Variants in MCM10 observed in about 807,000 individuals in gnomAD.
MCM10 encodes minichromosome maintenance 10 replication initiation factor.
A neutral mutation model predicts 109.9 loss-of-function variants in MCM10; 91 were observed. That is an observed-to-expected ratio of 0.83 (90% CI 0.70 to 0.99). The LOEUF (loss-of-function observed/expected upper bound fraction) is 0.99, where lower values mean the gene tolerates loss of function less well. Among genes scored for constraint, MCM10 ranks in the 50% least tolerant of loss-of-function variants. The probability of loss-of-function intolerance (pLI) is 0.00; values close to 1 mark genes in which losing one functional copy is unlikely to be tolerated. For missense variants in MCM10, 1,077 were observed against 1,061.2 expected (o/e 1.01, Z -0.21); for synonymous variants, 380 against 387.2 (o/e 0.98, Z 0.22).
rs924313246 is a variant in MCM10, at chr10:13,201,634, G to A, written c.2352+100G>A. On this transcript the variant is annotated intron_variant, in intron 17 of 19. Transcript: ENST00000378714. Reference sequence around the variant, plus strand: ...CCTGTGGGATCTGGGGCCCTATCTCGTGATGTGTCAGTTAATTAGGCTGGA... The same window carrying A: ...CCTGTGGGATCTGGGGCCCTATCTCATGATGTGTCAGTTAATTAGGCTGGA... 67 of 850,096 alleles carry A rather than the reference G, an allele frequency of 7.9e-5. 1 individual carries two copies. Among genetic ancestry groups the A allele is most frequent in the South Asian group, 3.0e-4 (19 of 64,268 alleles). The allele number at this position is 850,096 out of a possible 1,614,324, so 52.7% of individuals were successfully genotyped here.
At chr10:13,176,477 C>A (rs1209150257) in intron 6 of MCM10, among the ~76,000 whole-genome samples, 3 of 152,152 alleles carry the variant, frequency 2.0e-5, no homozygotes, top group Non-Finnish European at 2.9e-5. Flanking sequence ...ATTTGAGGAA[C>A]CAAGTGAAAC....
intron 9 of MCM10, 35 bp from the exon 10 acceptor site, chr10:13,188,846 C>T (rs1834308380): frequency 1.3e-6 from 2 of 1,586,052 alleles, no homozygotes; most frequent in Non-Finnish European, 1.7e-6. Context: ...CAGCCTGTTG[C>T]CCTCATCCTG....
chr10:13,188,961 CT>C lies in MCM10; in HGVS notation c.1298del (p.Phe433SerfsTer54). On this transcript the variant is annotated frameshift_variant, in exon 10 of 20. Coordinates refer to ENST00000378714, the MANE Select transcript of MCM10 (RefSeq NM_018518.5). LOFTEE classifies it high-confidence loss of function. ...CAAAGCGTGCGGATCTGCAGTCCACCTTCTCTGGAGGACGAATTCCAAAGAA... is the reference window on the plus strand; with the variant it reads ...CAAAGCGTGCGGATCTGCAGTCCACCTCTCTGGAGGACGAATTCCAAAGAA... ...SAKRADLQST[F>X]SGGRIPKKFA... 1 of 1,614,254 alleles carries C rather than the reference CT, an allele frequency of 6.2e-7. No individual in the cohort carries two copies. Among genetic ancestry groups the C allele is most frequent in the Non-Finnish European group, 8.5e-7 (1 of 1,180,046 alleles).
chr10:13,188,830 G>C (rs1376324947), intron 9 of MCM10, 51 bp from the exon 10 acceptor site: 3 of 1,516,238 alleles, frequency 2.0e-6, no homozygotes, highest in Admixed American at 1.7e-5. Flanking sequence ...GCTCACTGCT[G>C]TTTCCCAGCC....
intron 6 of MCM10, among the ~76,000 whole-genome samples, 170 bp from the exon 7 acceptor site, chr10:13,180,268 ATTAT>A (rs1037117885): frequency 6.6e-6 from 1 of 151,742 alleles, no homozygotes; most frequent in Admixed American, 6.6e-5. Flanking sequence ...AAAAAAAAGA[ATTAT>A]TTATTTATTT....
rs564321285 is a variant in MCM10 at position 13,170,012 on chromosome 10, A to G, written c.8-910A>G. 5.3e-5 allele frequency among the ~76,000 whole-genome samples: 8 copies of G among 152,340 alleles called. No individual in the cohort carries two copies. The South Asian group carries it at 1.5e-3, about 28-fold the overall frequency. ...TGAGCCACCACGCCTGGCTAGAACT[A>G]TATGTTTTGATTTGGGTTAATCTTA... On this transcript the variant is annotated intron_variant, in intron 2 of 19. Coordinates refer to ENST00000378714, the MANE Select transcript of MCM10 (RefSeq NM_018518.5).
In MCM10 at chr10:13,180,562, A is replaced by G. The variant is rs368416850; in HGVS notation, c.885A>G (p.Thr295=). 6.2e-6 allele frequency: 10 copies of G among 1,614,166 alleles called. No homozygotes were observed. The highest frequency in any genetic ancestry group is 3.3e-4 in the Middle Eastern group (2 of 6,062). Residue 295 remains threonine, a synonymous_variant, in exon 7 of 20, where the codon ACA becomes ACG. Coordinates refer to ENST00000378714, the MANE Select transcript of MCM10 (RefSeq NM_018518.5). ...REKLEEIDWV[T]FGVILKKVTP... ...AGCTGGAAGAAATAGATTGGGTGACATTTGGGGTTATATTGAAGAAGGTTA... is the reference window on the plus strand; with the variant it reads ...AGCTGGAAGAAATAGATTGGGTGACGTTTGGGGTTATATTGAAGAAGGTTA...
chr10:13,179,007 G>A (rs535527975), intron 6 of MCM10, among the ~76,000 whole-genome samples: 12 of 152,156 alleles, frequency 7.9e-5, no homozygotes, highest in Non-Finnish European at 1.0e-4. Context: ...CAGATTGTTC[G>A]TTGTTGGCAT....
At chr10:13,185,724 C>T (rs1267197580) in intron 8 of MCM10, among the ~76,000 whole-genome samples, 2 of 152,300 alleles carry the variant, frequency 1.3e-5, no homozygotes, top group African/African-American at 2.4e-5. Flanking sequence ...GTTCCTAAAA[C>T]GGTTATAGAG....
At position 13,172,335 on chromosome 10, in the gene MCM10, C is replaced by A. The variant is rs1210587086; in HGVS notation, c.350-41C>A. The A allele has an allele frequency of 4.0e-6, 6 of 1,517,678 alleles. No individual in the cohort carries two copies. The highest frequency in any genetic ancestry group is 1.4e-5 in the African/African-American group (1 of 72,766). 94.0% of individuals were successfully genotyped at this position (1,517,678 alleles called of 1,614,324 possible). ...GCATTTTTGTCATGTAGAACGTTTT[C>A]TCCTGCCTGGTTCTTAAATTAACAT... On this transcript the variant is annotated intron_variant, in intron 3 of 19. Coordinates refer to ENST00000378714, the MANE Select transcript of MCM10 (RefSeq NM_018518.5). The surrounding 1 kb of genome is among the most constrained non-coding windows in gnomAD (Gnocchi z 5.2).
chr10:13,189,025 T>C lies in MCM10; in HGVS notation c.1360T>C (p.Cys454Arg). The C allele has an allele frequency of 5.0e-6, 8 of 1,614,250 alleles. No homozygotes were observed. Among genetic ancestry groups the C allele is most frequent in the Non-Finnish European group, 6.8e-6 (8 of 1,180,044 alleles). ...RRGTSLKERLCQDGFYYGGVS... is the reference protein window; with the variant it reads ...RRGTSLKERLRQDGFYYGGVS... The stretch of plus-strand genomic sequence containing the variant: ...AGGCACCAGCCTCAAAGAACGGCTG[T>C]GCCAAGATGGCTTTTACTACGGAGG... Residue 454 changes from cysteine to arginine, a missense_variant, in exon 10 of 20, where the codon TGC becomes CGC. Cys to Arg is a radical substitution (Grantham distance 180). Transcript: ENST00000378714.
intron 17 of MCM10, 111 bp from the exon 18 acceptor site, chr10:13,204,108 G>A: frequency 3.7e-6 from 5 of 1,333,584 alleles, no homozygotes; most frequent in Non-Finnish European, 5.2e-6. Context: ...CAAGGGCCCA[G>A]GTAGTGATGA....
chr10:13,185,791 C>T (rs1834267279), intron 8 of MCM10, among the ~76,000 whole-genome samples: 1 of 152,206 alleles, frequency 6.6e-6, no homozygotes, highest in Non-Finnish European at 1.5e-5. Context: ...GAGACGGCCT[C>T]ACTCTGTTGC....
Position 13,182,947 on chromosome 10 carries a change from C to G in MCM10, c.945C>G (p.Ser315Arg). ...ATTTGTTCCAGGGAAAAACCTTCAGCATATGGAAACTGAATGATCTTCGTG... is the reference window on the plus strand; with the variant it reads ...ATTTGTTCCAGGGAAAAACCTTCAGGATATGGAAACTGAATGATCTTCGTG... ...PQSVNSGKTFSIWKLNDLRDL... is the reference protein window; with the variant it reads ...PQSVNSGKTFRIWKLNDLRDL... Residue 315 changes from serine to arginine, a missense_variant, in exon 8 of 20, where the codon AGC becomes AGG. Physicochemically the swap from Ser to Arg is moderately radical, Grantham distance 110 (BLOSUM62 -1). Coordinates refer to ENST00000378714, the MANE Select transcript of MCM10 (RefSeq NM_018518.5). The surrounding 1 kb of genome is among the most constrained non-coding windows in gnomAD (Gnocchi z 4.2). 2.5e-6 allele frequency: 4 copies of G among 1,612,960 alleles called. No individual in the cohort carries two copies. Among genetic ancestry groups the G allele is most frequent in the Non-Finnish European group, 2.5e-6 (3 of 1,179,332 alleles).
At chr10:13,162,966 C>G (rs376622945) in intron 1 of MCM10, among the ~76,000 whole-genome samples, 2 of 152,076 alleles carry the variant, frequency 1.3e-5, no homozygotes, top group African/African-American at 4.8e-5. Flanking sequence ...GTAGTCCCAG[C>G]TACTCGGGAG....
In MCM10 at chr10:13,192,596, G is replaced by C. The variant is rs370840016; in HGVS notation, c.1745+28G>C. The stretch of plus-strand genomic sequence containing the variant: ...AAGAGGAGCAGATTTAATATTCCCC[G>C]CTTGGGTCATCCATCTCAGGCGTCC... On this transcript the variant is annotated intron_variant, in intron 13 of 19. Coordinates refer to ENST00000378714, the MANE Select transcript of MCM10 (RefSeq NM_018518.5). 8.1e-6 allele frequency: 13 copies of C among 1,599,888 alleles called. No individual in the cohort carries two copies. In the African/African-American group the frequency reaches 1.6e-4, roughly 20 times the overall value.
At chr10:13,191,203 G>T in intron 10 of MCM10, 96 bp from the exon 11 acceptor site, 1 of 794,220 alleles carries the variant, frequency 1.3e-6, no homozygotes, top group Non-Finnish European at 2.2e-6. Flanking sequence ...AACTTTGACG[G>T]TGTGTGTAAT....
chr10:13,209,022 G>A, intron 18 of MCM10, 69 bp from the exon 19 acceptor site: 2 of 1,085,894 alleles, frequency 1.8e-6, no homozygotes, highest in Middle Eastern at 4.0e-4. Flanking sequence ...CAGGTGCAGT[G>A]AGCACCGTCG....
At chr10:13,195,399 G>T in intron 14 of MCM10, 130 bp downstream of exon 14, 2 of 695,598 alleles carry the variant, frequency 2.9e-6, no homozygotes, top group South Asian at 4.0e-5. Context: ...AAACATGGTA[G>T]TGTCAACATA....
Sources: gnomAD v4.1 joint callset for allele counts (sites outside exome capture counted in the v4.1 genomes callset) on GRCh38, gnomAD v4.1.1 for gene constraint, Gnocchi (gnomAD v3.1) non-coding constraint, MANE v1.5 for transcripts, NCBI Gene and HGNC (gene_info 2026-07-23, HGNC 2026-07-21) for gene names.